The following KALRN variants were observed in gnomAD, a reference collection of about 807,000 sequenced individuals.
The protein encoded by KALRN is kalirin RhoGEF kinase.
KALRN carries 70 observed loss-of-function variants against 353.7 expected under a neutral mutation model. The observed-to-expected ratio is 0.20, with a 90% CI of 0.16 to 0.24. KALRN has a LOEUF of 0.24. KALRN is among the 10% of genes least tolerant of loss of function. KALRN has a pLI of 1.00. For missense variants in KALRN, 2,791 were observed against 3,756.7 expected, an observed-to-expected ratio of 0.74 and a Z score of 6.72; for synonymous variants, 1,391 against 1,434.8, an observed-to-expected ratio of 0.97 and a Z score of 0.69.
chr3:124,252,575 C>T (rs2071326306), intron 3 of KALRN, among the ~76,000 whole-genome samples: 1 of 152,208 alleles, frequency 6.6e-6, no homozygotes, highest in African/African-American at 2.4e-5. Context: ...CCTGGCATCA[C>T]AAATCAGATG....
At position 124,620,305 on chromosome 3, in the gene KALRN, A is replaced by G. The variant is rs190470296; in HGVS notation, c.5183-12115A>G. Among the ~76,000 whole-genome samples, 1,484 of 152,160 alleles carry G rather than the reference A, an allele frequency of 9.8e-3. 28 individuals are homozygous for G. Among genetic ancestry groups the G allele is most frequent in the African/African-American group, 0.034 (1,394 of 41,522 alleles). ...TTTTTAGTAGAGATGAGGTCTCGCT[A>G]TGTTGCTCAGCTGGTCTCAAACTCC... On this transcript the variant is annotated intron_variant, in intron 34 of 59. Coordinates refer to ENST00000682506, the MANE Select transcript of KALRN (RefSeq NM_001388419.1).
intron 3 of KALRN, among the ~76,000 whole-genome samples, chr3:124,242,606 G>A (rs1402080067): frequency 6.6e-6 from 1 of 152,184 alleles, no homozygotes; most frequent in Non-Finnish European, 1.5e-5. Flanking sequence ...CACCAACACA[G>A]AGATCTAACA....
chr3:124,176,721 G>A (rs144739953), intron 1 of KALRN, among the ~76,000 whole-genome samples: 106 of 152,270 alleles, frequency 7.0e-4, no homozygotes, highest in Non-Finnish European at 1.3e-3. Context: ...TCAGTTAGGT[G>A]CTCTGCTTGT....
rs573276295 is a variant in KALRN, at chr3:124,285,264, C to T, written c.970-13527C>T. ...ACTACTCTAGAAGGAGTAGTATATCCTTCTTATCCTTAGAGTCTATCATGT... is the reference window on the plus strand; with the variant it reads ...ACTACTCTAGAAGGAGTAGTATATCTTTCTTATCCTTAGAGTCTATCATGT... On this transcript the variant is annotated intron_variant, in intron 5 of 59. Transcript: ENST00000682506. Among the ~76,000 whole-genome samples the T allele has an allele frequency of 1.1e-4, 16 of 152,154 alleles. No individual in the cohort carries two copies. In the East Asian group the frequency reaches 2.9e-3, roughly 28 times the overall value.
chr3:124,257,782 G>A (rs1369187442), intron 3 of KALRN, among the ~76,000 whole-genome samples: 1 of 152,178 alleles, frequency 6.6e-6, no homozygotes, highest in Non-Finnish European at 1.5e-5. Context: ...CAGGAAGGGG[G>A]TCACCCACTG....
rs940301002 is a variant in KALRN at position 124,662,995 on chromosome 3, G to A, written c.6345+1067G>A. 5.3e-5 allele frequency among the ~76,000 whole-genome samples: 8 copies of A among 151,478 alleles called. No homozygotes were observed. The East Asian group carries it at 1.6e-3, about 29-fold the overall frequency. Reference sequence around the variant, plus strand: ...TTTTTTTAAACAGAGTTTTGCTCTTGTTGCCCAGGCTGGAGTGCAGTGGCA... The same window carrying A: ...TTTTTTTAAACAGAGTTTTGCTCTTATTGCCCAGGCTGGAGTGCAGTGGCA... On this transcript the variant is annotated intron_variant, in intron 45 of 59. Coordinates refer to ENST00000682506, the MANE Select transcript of KALRN (RefSeq NM_001388419.1).
chr3:124,583,820 TACCTACTAAATC>T (rs1275093161), intron 34 of KALRN, among the ~76,000 whole-genome samples: 1 of 152,174 alleles, frequency 6.6e-6, no homozygotes, highest in Non-Finnish European at 1.5e-5. Flanking sequence ...CCCCACCTCC[TACCTACTAAATC>T]AGCAACTCTG....
chr3:124,512,884 A>C (rs949572265), intron 33 of KALRN, among the ~76,000 whole-genome samples: 1 of 152,192 alleles, frequency 6.6e-6, no homozygotes, highest in African/African-American at 2.4e-5. Context: ...TGACATAATA[A>C]ATTTAACAAA....
At chr3:124,381,933 T>G (rs1402512016) in intron 10 of KALRN, among the ~76,000 whole-genome samples, 3 of 152,200 alleles carry the variant, frequency 2.0e-5, no homozygotes, top group African/African-American at 7.2e-5. Context: ...GAAGACAGGC[T>G]TGGCTATGAG....
intron 28 of KALRN, among the ~76,000 whole-genome samples, chr3:124,483,218 C>T (rs773467483): frequency 3.3e-5 from 5 of 152,214 alleles, no homozygotes; most frequent in Non-Finnish European, 7.3e-5. Flanking sequence ...CTTACAGAAG[C>T]AGATTCCTCC....
chr3:124,529,735 A>G (rs114291235), intron 33 of KALRN, among the ~76,000 whole-genome samples: 2 of 152,102 alleles, frequency 1.3e-5, no homozygotes, highest in African/African-American at 4.8e-5. Context: ...TAAATGTGCT[A>G]CTTGACTTCT....
intron 34 of KALRN, among the ~76,000 whole-genome samples, chr3:124,631,107 G>A (rs754634254): frequency 1.3e-5 from 2 of 152,098 alleles, no homozygotes; most frequent in Non-Finnish European, 2.9e-5. Context: ...CATTTTCCAC[G>A]TGCAGCCTCC....
In KALRN at chr3:124,181,061, T is replaced by C. The variant is rs1354808643; in HGVS notation, c.74-46929T>C. 8.0e-5 allele frequency among the ~76,000 whole-genome samples: 8 copies of C among 99,460 alleles called. No individual in the cohort carries two copies. In the Admixed American group the frequency reaches 1.0e-3, roughly 13 times the overall value. 65.2% of individuals were successfully genotyped at this position (99,460 alleles called of 152,430 possible). Reference sequence around the variant, plus strand: ...GCCTGGCCAACATGGCAAAACCCCATCTCTACTAAAAATACAAAAAAAAAA... The same window carrying C: ...GCCTGGCCAACATGGCAAAACCCCACCTCTACTAAAAATACAAAAAAAAAA... On this transcript the variant is annotated intron_variant, in intron 1 of 59. Transcript: ENST00000682506.
chr3:124,367,500 C>T (rs1162839708), intron 10 of KALRN, among the ~76,000 whole-genome samples: 2 of 108,168 alleles, frequency 1.8e-5, no homozygotes, highest in African/African-American at 3.9e-5. Context: ...GGCAGCTGGC[C>T]GGGCGGGGGG....
At chr3:124,167,855 C>T (rs1267346909) in intron 1 of KALRN, among the ~76,000 whole-genome samples, 2 of 152,168 alleles carry the variant, frequency 1.3e-5, no homozygotes, top group Non-Finnish European at 2.9e-5. Context: ...TCAAAATGCA[C>T]ACATCTTCTC....
In KALRN at chr3:124,439,077, C is replaced by G. The variant is rs763548389; in HGVS notation, c.3198+40C>G. 3.1e-6 allele frequency: 5 copies of G among 1,591,632 alleles called. No homozygotes were observed. The Admixed American group carries it at 8.5e-5, about 27-fold the overall frequency. ...TCATGCAAGGGCTCAGACTCCTGGC[C>G]TTGGCCGCCTTGTTCTTTCATCCTC... On this transcript the variant is annotated intron_variant, in intron 18 of 59. Coordinates refer to ENST00000682506, the MANE Select transcript of KALRN (RefSeq NM_001388419.1).
intron 5 of KALRN, among the ~76,000 whole-genome samples, chr3:124,275,546 A>T (rs986636161): frequency 1.2e-4 from 18 of 152,132 alleles, no homozygotes; most frequent in African/African-American, 4.3e-4. Flanking sequence ...CAGGGTTGTT[A>T]TGAGAATTGA....
At chr3:124,583,512 G>A (rs924690969) in intron 34 of KALRN, among the ~76,000 whole-genome samples, 5 of 152,176 alleles carry the variant, frequency 3.3e-5, no homozygotes, top group South Asian at 2.1e-4. Context: ...ATATTGGGCC[G>A]AGGGGATGGT....
At chr3:124,071,841 A>G (rs116456679) in intron 1 of KALRN, among the ~76,000 whole-genome samples, 4,235 of 152,292 alleles carry the variant, frequency 0.028, 191 homozygotes, top group African/African-American at 0.095. Context: ...TTGCCCCTCA[A>G]TTAAACCCAG....
Sources: allele counts gnomAD v4.1 joint callset (sites outside exome capture counted in the v4.1 genomes callset), GRCh38; gene constraint gnomAD v4.1.1; transcripts MANE v1.5; gene names NCBI Gene and HGNC (gene_info 2026-07-23, HGNC 2026-07-21).